PLXNA4: variants seen among roughly 807,000 people sequenced by gnomAD.
PLXNA4 encodes plexin A4.
PLXNA4 carries 44 observed loss-of-function variants against 191.8 expected under a neutral mutation model. The ratio of observed to expected loss-of-function variants is 0.23; its 90% CI spans 0.18 to 0.29. The LOEUF is 0.29. PLXNA4 is among the 10% of genes least tolerant of loss of function. PLXNA4 has a pLI of 1.00. For missense variants in PLXNA4, 1,800 were observed against 2,488.8 expected, an observed-to-expected ratio of 0.72 and a Z score of 5.89; for synonymous variants, 1,082 against 1,009.5, an observed-to-expected ratio of 1.07 and a Z score of -1.36.
At chr7:132,330,618 C>T (rs1802553918) in intron 3 of PLXNA4, among the ~76,000 whole-genome samples, 1 of 152,222 alleles carries the variant, frequency 6.6e-6, no homozygotes, top group Non-Finnish European at 1.5e-5. Context: ...ACTGTGTCTG[C>T]ATCTGGCTGT....
chr7:132,564,016 C>T (rs1801570942), intron 1 of PLXNA4, among the ~76,000 whole-genome samples: 2 of 61,412 alleles, frequency 3.3e-5, no homozygotes, highest in African/African-American at 6.4e-5. Context: ...CCTTCTCCTC[C>T]TCCTTCTCCT....
At chr7:132,590,685 T>C (rs982939785) in intron 2 of PLXNA4, among the ~76,000 whole-genome samples, 3 of 152,176 alleles carry the variant, frequency 2.0e-5, no homozygotes, top group Non-Finnish European at 2.9e-5. Context: ...GATTAGCTGG[T>C]ACCCACGCAG....
intron 3 of PLXNA4, among the ~76,000 whole-genome samples, chr7:132,379,390 G>A (rs889135740): frequency 1.3e-5 from 2 of 152,160 alleles, no homozygotes; most frequent in African/African-American, 4.8e-5. Flanking sequence ...ATATGACCTG[G>A]CTTTTACAAA....
chr7:132,540,274 T>C (rs1195665960), intron 1 of PLXNA4, among the ~76,000 whole-genome samples: 7 of 152,220 alleles, frequency 4.6e-5, no homozygotes, highest in Non-Finnish European at 7.3e-5. Context: ...GGACGTCTCA[T>C]GGGACACGTC....
intron 25 of PLXNA4, among the ~76,000 whole-genome samples, chr7:132,159,069 A>C (rs1370956765): frequency 1.3e-5 from 2 of 152,220 alleles, no homozygotes; most frequent in Non-Finnish European, 2.9e-5. Flanking sequence ...GAAGAGCCTC[A>C]GGCAACAACA....
At chr7:132,550,942 T>G (rs980138419) in intron 1 of PLXNA4, among the ~76,000 whole-genome samples, 2 of 152,170 alleles carry the variant, frequency 1.3e-5, no homozygotes, top group African/African-American at 4.8e-5. Context: ...CACCTCTTCC[T>G]TCTCCTGCAT....
intron 3 of PLXNA4, among the ~76,000 whole-genome samples, chr7:132,314,179 G>T (rs1363956575): frequency 6.6e-6 from 1 of 152,046 alleles, no homozygotes; most frequent in Non-Finnish European, 1.5e-5. Flanking sequence ...CTTTTCTTTG[G>T]ATTAAACAGT....
chr7:132,329,537 C>T (rs1802508354), intron 3 of PLXNA4, among the ~76,000 whole-genome samples: 1 of 152,212 alleles, frequency 6.6e-6, no homozygotes, highest in African/African-American at 2.4e-5. Context: ...GATTAAGCAC[C>T]AGCCTTAATT....
intron 1 of PLXNA4, among the ~76,000 whole-genome samples, chr7:132,513,330 G>C (rs1203260976): frequency 1.3e-5 from 2 of 150,838 alleles, no homozygotes; most frequent in Non-Finnish European, 3.0e-5. Context: ...ATATTACCTT[G>C]TTCTGAATTT....
intron 2 of PLXNA4, among the ~76,000 whole-genome samples, chr7:132,608,930 C>T (rs1329478184): frequency 6.6e-6 from 1 of 152,196 alleles, no homozygotes; most frequent in Non-Finnish European, 1.5e-5. Context: ...ACACTGGTCA[C>T]CCTGTGGTGC....
rs1371560015 is a variant in PLXNA4, at chr7:132,462,177, T to A, written c.1371+27115A>T. Among the ~76,000 whole-genome samples, 11 of 152,334 alleles carry A rather than the reference T, an allele frequency of 7.2e-5. No individual in the cohort carries two copies. In the East Asian group the frequency reaches 2.1e-3, roughly 29 times the overall value. ...AAGGACTAAAATCATACTGTTTAAT[T>A]CTTAACTTCGATGCTTTAGGGAATG... On this transcript the variant is annotated intron_variant, in intron 3 of 31. Coordinates refer to ENST00000321063, the MANE Select transcript of PLXNA4 (RefSeq NM_020911.2).
intron 4 of PLXNA4, among the ~76,000 whole-genome samples, chr7:132,257,365 A>T (rs777060930): frequency 6.6e-6 from 1 of 152,204 alleles, no homozygotes; most frequent in East Asian, 1.9e-4. Context: ...CTCCTTCTAC[A>T]TGACACACAT....
At chr7:132,621,523 TGCTG>T (rs1257196316) in intron 2 of PLXNA4, among the ~76,000 whole-genome samples, 2 of 152,136 alleles carry the variant, frequency 1.3e-5, no homozygotes, top group African/African-American at 4.8e-5. Context: ...CCTCCCAAGG[TGCTG>T]GGATTACAGG....
intron 4 of PLXNA4, among the ~76,000 whole-genome samples, chr7:132,251,714 T>G (rs1324437538): frequency 1.3e-5 from 2 of 152,182 alleles, no homozygotes; most frequent in African/African-American, 4.8e-5. Context: ...CAAGGGGGTG[T>G]GCCCAGATGT....
intron 25 of PLXNA4, among the ~76,000 whole-genome samples, chr7:132,150,647 T>A (rs1198709377): frequency 1.3e-5 from 2 of 152,220 alleles, no homozygotes; most frequent in African/African-American, 2.4e-5. Context: ...GAAGTGACCA[T>A]GGGGCTTGCT....
intron 3 of PLXNA4, among the ~76,000 whole-genome samples, chr7:132,346,190 G>A (rs1233724222): frequency 6.6e-6 from 1 of 152,164 alleles, no homozygotes; most frequent in East Asian, 1.9e-4. Flanking sequence ...ATGTCTCCGA[G>A]CCTCATAAAA....
At chr7:132,412,184 A>T (rs1478547746) in intron 3 of PLXNA4, among the ~76,000 whole-genome samples, 1 of 152,192 alleles carries the variant, frequency 6.6e-6, no homozygotes, top group Non-Finnish European at 1.5e-5. Context: ...CTCTATTTCA[A>T]AACCCTACTT....
At chr7:132,211,269 A>G in intron 9 of PLXNA4, 126 bp from the exon 10 acceptor site, 1 of 991,750 alleles carries the variant, frequency 1.0e-6, no homozygotes, top group African/African-American at 1.6e-5. Context: ...GCGACCCCTG[A>G]GGTGCTCGTG....
At chr7:132,398,161 A>G (rs139625936) in intron 3 of PLXNA4, among the ~76,000 whole-genome samples, 105 of 152,326 alleles carry the variant, frequency 6.9e-4, no homozygotes, top group African/African-American at 1.7e-3. Flanking sequence ...TTGGTGTCTC[A>G]GTTTCCTTAT....
Sources: allele counts gnomAD v4.1 joint callset (sites outside exome capture counted in the v4.1 genomes callset), GRCh38; gene constraint gnomAD v4.1.1; transcripts MANE v1.5; gene names NCBI Gene and HGNC (gene_info 2026-07-23, HGNC 2026-07-21).